The following CR1 variants were observed in gnomAD, a reference collection of about 807,000 sequenced individuals.
The protein encoded by CR1 is complement C3b/C4b receptor 1 (Knops blood group).
In CR1, 116 loss-of-function variants were observed where a neutral mutation model predicts 187.3. That is an observed-to-expected ratio of 0.62 (90% CI 0.53 to 0.72). CR1 has a LOEUF of 0.72. Among genes scored for constraint, CR1 ranks in the 30% least tolerant of loss-of-function variants. The pLI, the probability that CR1 is intolerant of heterozygous loss-of-function variation, is 0.00. For missense variants in CR1, 1,731 were observed against 2,110.7 expected (o/e 0.82, Z 3.52); for synonymous variants, 576 against 747.1 (o/e 0.77, Z 3.73).
intron 45 of CR1, among the ~76,000 whole-genome samples, chr1:207,624,893 C>G (rs10863418): frequency 0.68 from 103,668 of 152,052 alleles, 38,465 homozygotes; most frequent in South Asian, 0.9. Context: ...ATATCAGTCT[C>G]TAGTTAAAAC....
At chr1:207,518,325 A>C (rs1659866447) in intron 4 of CR1, among the ~76,000 whole-genome samples, 1 of 152,238 alleles carries the variant, frequency 6.6e-6, no homozygotes, top group Admixed American at 6.5e-5. Flanking sequence ...CGATTTTGGT[A>C]AAATGTTACA....
At position 207,575,638 on chromosome 1, in the gene CR1, G is replaced by T; in HGVS notation, c.4495G>T (p.Gly1499Cys). The T allele has an allele frequency of 6.2e-7, 1 of 1,611,794 alleles. No individual in the cohort carries two copies. Among genetic ancestry groups the T allele is most frequent in the Non-Finnish European group, 8.5e-7 (1 of 1,179,692 alleles). ...GHSSAECILS[G>C]NTAHWSTKPP... is the part of the protein sequence containing the mutation. ...CTCATCTGCTGAATGTATCCTCTCA[G>T]GCAATACTGCCCATTGGAGCACGAA... Residue 1499 changes from glycine to cysteine, a missense_variant, in exon 28 of 47, where the codon GGC becomes TGC. By Grantham distance (159) the Gly-to-Cys change is radical. Transcript: ENST00000367049.
At chr1:207,498,847 C>T (rs1411090007) in intron 1 of CR1, among the ~76,000 whole-genome samples, 1 of 113,112 alleles carries the variant, frequency 8.8e-6, no homozygotes, top group Admixed American at 1.3e-4. Flanking sequence ...CATTGCACTC[C>T]AGCCTGGGTG....
intron 4 of CR1, among the ~76,000 whole-genome samples, chr1:207,515,981 A>G (rs555020984): frequency 6.6e-6 from 1 of 152,138 alleles, no homozygotes; most frequent in Admixed American, 6.5e-5. Flanking sequence ...TTGGAAGGCC[A>G]AGGCAGGAGG....
intron 46 of CR1, among the ~76,000 whole-genome samples, chr1:207,637,610 A>G (rs897174373): frequency 6.6e-6 from 1 of 152,252 alleles, no homozygotes; most frequent in Non-Finnish European, 1.5e-5. Context: ...GGCATTAAAC[A>G]TCCTGGTGCT....
intron 40 of CR1, among the ~76,000 whole-genome samples, chr1:207,614,827 T>A (rs1285162174): frequency 6.6e-6 from 1 of 152,146 alleles, no homozygotes. Context: ...TTATTTTTAT[T>A]TTTATTTTCT....
At chr1:207,497,814 G>A (rs1173492847) in intron 1 of CR1, among the ~76,000 whole-genome samples, 2 of 152,058 alleles carry the variant, frequency 1.3e-5, no homozygotes, top group East Asian at 3.8e-4. Context: ...AATTTACTGA[G>A]GTTATCACAA....
intron 43 of CR1, 22 bp from the exon 44 acceptor site, chr1:207,621,951 G>C: frequency 6.3e-7 from 1 of 1,587,328 alleles, no homozygotes; most frequent in Non-Finnish European, 8.6e-7. Context: ...GTGATGTTTT[G>C]TGACTTTTGT....
In CR1 at chr1:207,564,988, T is replaced by A. The variant is rs188822680; in HGVS notation, c.3866+754T>A. 1.0e-3 allele frequency among the ~76,000 whole-genome samples: 150 copies of A among 150,414 alleles called. 4 individuals carry two copies. Among genetic ancestry groups the A allele is most frequent in the East Asian group, 8.1e-3 (42 of 5,182 alleles). On this transcript the variant is annotated intron_variant, in intron 23 of 46. Coordinates refer to ENST00000367049, the MANE Select transcript of CR1 (RefSeq NM_000651.6). The stretch of plus-strand genomic sequence containing the variant: ...GAAAATGTAAAAATCAGCATTTTTT[T>A]AAAAATTCAGTCATATATCTTCTGG...
intron 46 of CR1, among the ~76,000 whole-genome samples, chr1:207,632,632 A>G (rs1662679795): frequency 6.6e-6 from 1 of 152,034 alleles, no homozygotes; most frequent in Admixed American, 6.5e-5. Context: ...CTAAATACAC[A>G]CACACACACA....
intron 1 of CR1, among the ~76,000 whole-genome samples, chr1:207,502,971 A>G (rs1182167250): frequency 6.6e-6 from 1 of 152,244 alleles, no homozygotes; most frequent in Non-Finnish European, 1.5e-5. Context: ...TCCCGACAGC[A>G]TAGGCTCATT....
chr1:207,627,242 A>G (rs530179891), intron 45 of CR1, among the ~76,000 whole-genome samples: 1 of 152,146 alleles, frequency 6.6e-6, no homozygotes, highest in African/African-American at 2.4e-5. Flanking sequence ...TTTTTTTCAT[A>G]GCCTTATTCT....
At chr1:207,566,024 T>A in intron 24 of CR1, 101 bp downstream of exon 24, 1 of 1,447,374 alleles carries the variant, frequency 6.9e-7, no homozygotes, top group Non-Finnish European at 9.5e-7. Context: ...ATTCTAGTCT[T>A]AATTATCGAT....
At chr1:207,614,562 A>G (rs1445828422) in intron 40 of CR1, 73 bp downstream of exon 40, 4 of 1,194,202 alleles carry the variant, frequency 3.3e-6, no homozygotes, top group Non-Finnish European at 4.9e-6. Context: ...TCCGCATGGC[A>G]TCACCTGTTG....
rs984446246 is a variant in CR1 at position 207,602,555 on chromosome 1, T to G, written c.5811-4696T>G. Among the ~76,000 whole-genome samples, 15 of 152,160 alleles carry G rather than the reference T, an allele frequency of 9.9e-5. No homozygotes were observed. In the South Asian group the frequency reaches 1.4e-3, roughly 15 times the overall value. ...CTCTAATGCCAAAAAACACAATGAA[T>G]GGTTAAAATCTAAAAGCATGCTTGA... On this transcript the variant is annotated intron_variant, in intron 35 of 46. Transcript: ENST00000367049.
intron 40 of CR1, among the ~76,000 whole-genome samples, chr1:207,615,941 A>G (rs761395154): frequency 6.6e-6 from 1 of 152,202 alleles, no homozygotes; most frequent in Non-Finnish European, 1.5e-5. Context: ...TAGAAGCATC[A>G]ATTGCTTTTA....
chr1:207,633,018 C>G (rs892419827), intron 46 of CR1, among the ~76,000 whole-genome samples: 13 of 152,124 alleles, frequency 8.5e-5, no homozygotes, highest in Admixed American at 5.2e-4. Context: ...GGAAGAACAA[C>G]AACCATTTTT....
At chr1:207,615,998 CT>C (rs1419221807) in intron 40 of CR1, among the ~76,000 whole-genome samples, 1 of 152,018 alleles carries the variant, frequency 6.6e-6, no homozygotes, top group Non-Finnish European at 1.5e-5. Context: ...GAAATGGTGG[CT>C]AATAATTGGA....
intron 5 of CR1, among the ~76,000 whole-genome samples, chr1:207,525,024 A>G (rs2102309291): frequency 6.6e-6 from 1 of 152,168 alleles, no homozygotes; most frequent in South Asian, 2.1e-4. Flanking sequence ...TGGAAGGTAA[A>G]GAGGAAGCAC....
Sources: allele counts gnomAD v4.1 joint callset (sites outside exome capture counted in the v4.1 genomes callset), GRCh38; gene constraint gnomAD v4.1.1; transcripts MANE v1.5; gene names NCBI Gene and HGNC (gene_info 2026-07-23, HGNC 2026-07-21).